FRMD4B: variants seen among roughly 807,000 people sequenced by gnomAD.
The protein encoded by FRMD4B is FERM domain containing 4B, also known as FERM domain-containing protein 4B.
FRMD4B carries 74 observed loss-of-function variants against 141.5 expected under a neutral mutation model. That is an observed-to-expected ratio of 0.52 (90% CI 0.43 to 0.63). FRMD4B has a LOEUF of 0.63. Ranked by LOEUF, FRMD4B falls within the 30% of genes least tolerant of loss-of-function variation. The pLI is 0.00. For synonymous variants in FRMD4B, 506 were observed against 467.9 expected, an observed-to-expected ratio of 1.08 and a Z score of -1.05; for missense variants, 1,366 against 1,253.4, an observed-to-expected ratio of 1.09 and a Z score of -1.36.
intron 19 of FRMD4B, among the ~76,000 whole-genome samples, chr3:69,184,712 C>T (rs1353032121): frequency 6.6e-6 from 1 of 152,186 alleles, no homozygotes; most frequent in Non-Finnish European, 1.5e-5. Flanking sequence ...TTTTCCCTAA[C>T]ATAAGAAGCA....
intron 1 of FRMD4B, among the ~76,000 whole-genome samples, chr3:69,456,073 T>C (rs1252267505): frequency 6.6e-6 from 1 of 152,200 alleles, no homozygotes; most frequent in African/African-American, 2.4e-5. Context: ...GTGCCGAGTA[T>C]CTCTAAAGAA....
intron 2 of FRMD4B, among the ~76,000 whole-genome samples, chr3:69,410,651 T>C (rs1344249284): frequency 6.7e-6 from 1 of 148,668 alleles, no homozygotes; most frequent in Non-Finnish European, 1.5e-5. Context: ...TTCAGCATCT[T>C]CTCTTAATAA....
Position 69,250,057 on chromosome 3 carries a change from C to G in FRMD4B, c.544G>C (p.Ala182Pro). ...TCCAATCTTACCTGTAAAATAAACG[C>G]TGCTAACTTGAAGATGGTTTCGCTC... ...VESETIFKLAAFILQEAKGDY... is the reference protein window; with the variant it reads ...VESETIFKLAPFILQEAKGDY... Residue 182 changes from alanine (A) to proline (P), a missense_variant, in exon 6 of 23, where the codon GCG becomes CCG. By Grantham distance (27) the Ala-to-Pro change is conservative. Transcript: ENST00000398540. 3 of 1,610,134 alleles carry G rather than the reference C, an allele frequency of 1.9e-6. No homozygotes were observed. The highest frequency in any genetic ancestry group is 1.7e-5 in the Admixed American group (1 of 60,014).
At chr3:69,398,065 GA>G (rs1704501038) in intron 2 of FRMD4B, among the ~76,000 whole-genome samples, 1 of 152,004 alleles carries the variant, frequency 6.6e-6, no homozygotes, top group South Asian at 2.1e-4. Context: ...AATCAGAGCA[GA>G]AAAAAATACT....
chr3:69,418,326 C>G (rs1446872270), intron 2 of FRMD4B, among the ~76,000 whole-genome samples: 1 of 152,072 alleles, frequency 6.6e-6, no homozygotes, highest in African/African-American at 2.4e-5. Context: ...GTAGGAGGGT[C>G]GATGTGGTAT....
chr3:69,427,969 G>A (rs760694017), intron 2 of FRMD4B, among the ~76,000 whole-genome samples: 2 of 151,994 alleles, frequency 1.3e-5, no homozygotes, highest in Non-Finnish European at 2.9e-5. Context: ...AAGAAGCTAG[G>A]TAAATGTTAA....
chr3:69,188,706 G>A (rs576489339), intron 18 of FRMD4B, among the ~76,000 whole-genome samples: 87 of 146,634 alleles, frequency 5.9e-4, no homozygotes, highest in African/African-American at 2.1e-3. Flanking sequence ...GCAGTGAGCC[G>A]AGATTGCGCC....
At chr3:69,422,349 T>C (rs1704995138) in intron 2 of FRMD4B, among the ~76,000 whole-genome samples, 1 of 143,372 alleles carries the variant, frequency 7.0e-6, no homozygotes, top group Admixed American at 7.2e-5. Context: ...ATCATGCCAC[T>C]GCACTCCAGC....
chr3:69,414,861 G>GT (rs5849900), intron 2 of FRMD4B, among the ~76,000 whole-genome samples: 31,363 of 98,130 alleles, frequency 0.32, 5,615 homozygotes, highest in East Asian at 0.42. Flanking sequence ...CGAACAAGCT[G>GT]TTTTTTTTTT....
At chr3:69,508,008 C>G (rs1216429415) in intron 1 of FRMD4B, among the ~76,000 whole-genome samples, 2 of 152,098 alleles carry the variant, frequency 1.3e-5, no homozygotes, top group African/African-American at 4.8e-5. Context: ...CATGGATAAC[C>G]TTTGATTCTT....
chr3:69,255,322 A>G (rs2093486023), intron 5 of FRMD4B, among the ~76,000 whole-genome samples: 1 of 152,220 alleles, frequency 6.6e-6, no homozygotes, highest in African/African-American at 2.4e-5. Context: ...CTTGGCAGAC[A>G]TACTAACAGC....
At chr3:69,452,381 G>A (rs1178146427) in intron 1 of FRMD4B, among the ~76,000 whole-genome samples, 4 of 152,316 alleles carry the variant, frequency 2.6e-5, no homozygotes, top group East Asian at 1.9e-4. Flanking sequence ...GGTCAAAAGC[G>A]AAATCTTTTC....
intron 1 of FRMD4B, among the ~76,000 whole-genome samples, chr3:69,329,361 A>C (rs1196685994): frequency 6.6e-6 from 1 of 151,764 alleles, no homozygotes; most frequent in Non-Finnish European, 1.5e-5. Context: ...TTTTATTTTT[A>C]TGTTTTGAGA....
intron 5 of FRMD4B, among the ~76,000 whole-genome samples, chr3:69,282,339 GC>G (rs1380589761): frequency 2.0e-5 from 3 of 152,148 alleles, no homozygotes; most frequent in Admixed American, 2.0e-4. Context: ...TGCCCTCTGT[GC>G]AGTGTGGAGG....
intron 5 of FRMD4B, among the ~76,000 whole-genome samples, chr3:69,283,448 A>G (rs1056451196): frequency 6.6e-6 from 1 of 151,012 alleles, no homozygotes; most frequent in Non-Finnish European, 1.5e-5. Context: ...AAAAAAAAGA[A>G]AGAAAGGTGC....
At chr3:69,239,437 T>G (rs941128870) in intron 7 of FRMD4B, among the ~76,000 whole-genome samples, 1 of 152,174 alleles carries the variant, frequency 6.6e-6, no homozygotes, top group Non-Finnish European at 1.5e-5. Context: ...GAATTTCTAA[T>G]GAGAATGAAA....
intron 11 of FRMD4B, among the ~76,000 whole-genome samples, chr3:69,215,830 T>C (rs1389674368): frequency 6.6e-6 from 1 of 152,226 alleles, no homozygotes; most frequent in African/African-American, 2.4e-5. Context: ...ATAAAATAAA[T>C]GGCATCATCC....
chr3:69,505,694 A>G (rs967524413), intron 1 of FRMD4B, among the ~76,000 whole-genome samples: 5 of 152,236 alleles, frequency 3.3e-5, no homozygotes, highest in Non-Finnish European at 7.3e-5. Flanking sequence ...TATTTACAAC[A>G]TGTTACAGAT....
intron 1 of FRMD4B, among the ~76,000 whole-genome samples, chr3:69,376,522 A>G (rs1383585024): frequency 6.6e-6 from 1 of 152,160 alleles, no homozygotes; most frequent in Non-Finnish European, 1.5e-5. Flanking sequence ...AAAAACAGCT[A>G]TTTAAGCAAA....
Sources: allele counts gnomAD v4.1 joint callset (sites outside exome capture counted in the v4.1 genomes callset), GRCh38; gene constraint gnomAD v4.1.1; transcripts MANE v1.5; gene names NCBI Gene and HGNC (gene_info 2026-07-23, HGNC 2026-07-21).